PSD3: variants seen among roughly 807,000 people sequenced by gnomAD.
PSD3 encodes PH and SEC7 domain-containing protein 3.
A neutral mutation model predicts 105.5 loss-of-function variants in PSD3; 49 were observed. The observed-to-expected ratio is 0.46, with a 90% CI of 0.37 to 0.59. The LOEUF (loss-of-function observed/expected upper bound fraction) is 0.59, where lower values mean the gene tolerates loss of function less well. Ranked by LOEUF, PSD3 falls within the 20% of genes least tolerant of loss-of-function variation. The probability of loss-of-function intolerance (pLI) is 0.00; values close to 1 mark genes in which losing one functional copy is unlikely to be tolerated. For synonymous variants in PSD3, 557 were observed against 457.8 expected (o/e 1.22, Z -2.77); for missense variants, 1,561 against 1,263.8 (o/e 1.24, Z -3.57).
intron 15 of PSD3, among the ~76,000 whole-genome samples, chr8:18,542,878 G>A (rs1157255751): frequency 6.6e-6 from 1 of 152,130 alleles, no homozygotes; most frequent in Non-Finnish European, 1.5e-5. Flanking sequence ...TGTTATTAAA[G>A]ATTTTATCTT....
intron 11 of PSD3, among the ~76,000 whole-genome samples, chr8:18,621,586 G>A (rs577652087): frequency 7.9e-5 from 12 of 152,202 alleles, no homozygotes; most frequent in African/African-American, 2.9e-4. Flanking sequence ...ATCTAAAACA[G>A]CCAATATTCC....
At chr8:18,627,710 A>G (rs756605151) in intron 11 of PSD3, among the ~76,000 whole-genome samples, 7 of 152,000 alleles carry the variant, frequency 4.6e-5, no homozygotes, top group Non-Finnish European at 1.0e-4. Flanking sequence ...GAGAAAATCC[A>G]GTGTTTTTTT....
At chr8:18,961,505 A>C (rs370286422) in intron 1 of PSD3, among the ~76,000 whole-genome samples, 1 of 152,188 alleles carries the variant, frequency 6.6e-6, no homozygotes, top group East Asian at 1.9e-4. Context: ...CCTGGCCAAC[A>C]TGATGAAACC....
intron 4 of PSD3, among the ~76,000 whole-genome samples, chr8:18,805,191 C>T (rs1341939548): frequency 1.3e-5 from 2 of 152,110 alleles, no homozygotes; most frequent in Non-Finnish European, 2.9e-5. Context: ...CGATATTTAC[C>T]CTCGTAGTAA....
intron 4 of PSD3, among the ~76,000 whole-genome samples, chr8:18,819,904 T>C (rs189045418): frequency 3.3e-5 from 5 of 152,344 alleles, no homozygotes; most frequent in Admixed American, 3.3e-4. Flanking sequence ...CATCAACCAG[T>C]GTGAACCCTG....
chr8:18,619,949 A>C (rs1203024589), intron 11 of PSD3, among the ~76,000 whole-genome samples: 1 of 152,152 alleles, frequency 6.6e-6, no homozygotes, highest in Non-Finnish European at 1.5e-5. Flanking sequence ...GGCCTTTCCC[A>C]GATGTAGGAG....
intron 2 of PSD3, among the ~76,000 whole-genome samples, chr8:18,879,413 G>T (rs2129458412): frequency 6.6e-6 from 1 of 152,116 alleles, no homozygotes; most frequent in East Asian, 1.9e-4. Flanking sequence ...ACAGACGGGG[G>T]GAGACAAATG....
intron 10 of PSD3, among the ~76,000 whole-genome samples, chr8:18,646,876 G>A (rs947162126): frequency 1.3e-5 from 2 of 152,100 alleles, no homozygotes; most frequent in African/African-American, 4.8e-5. Context: ...TCTTTACTCG[G>A]AAAAAGAGTT....
At chr8:18,619,862 C>T (rs1261216950) in intron 11 of PSD3, among the ~76,000 whole-genome samples, 1 of 152,212 alleles carries the variant, frequency 6.6e-6, no homozygotes, top group Non-Finnish European at 1.5e-5. Context: ...TGAAATGACC[C>T]TCCAAAGCCG....
intron 2 of PSD3, among the ~76,000 whole-genome samples, chr8:18,929,684 T>C (rs1190908627): frequency 1.3e-5 from 2 of 152,106 alleles, no homozygotes; most frequent in South Asian, 2.1e-4. Context: ...CTTTCATTCA[T>C]GCATATGAAT....
chr8:18,958,481 T>C (rs923650981), intron 1 of PSD3, among the ~76,000 whole-genome samples: 1 of 152,232 alleles, frequency 6.6e-6, no homozygotes, highest in East Asian at 1.9e-4. Context: ...AGATTCTTTC[T>C]GAGCACTCAA....
chr8:19,079,332 C>A (rs1472247086), intron 1 of PSD3, among the ~76,000 whole-genome samples: 2 of 152,146 alleles, frequency 1.3e-5, no homozygotes, highest in Non-Finnish European at 2.9e-5. Context: ...CTCCTAAATA[C>A]CACATTCTTT....
intron 4 of PSD3, among the ~76,000 whole-genome samples, chr8:18,855,748 C>T (rs191217113): frequency 6.6e-6 from 1 of 152,148 alleles, no homozygotes; most frequent in Non-Finnish European, 1.5e-5. Context: ...GAATGATAAA[C>T]ATCAGCAGCT....
chr8:18,743,587 A>G (rs945519114), intron 9 of PSD3, among the ~76,000 whole-genome samples: 1 of 152,078 alleles, frequency 6.6e-6, no homozygotes, highest in Non-Finnish European at 1.5e-5. Context: ...CAAAATACCT[A>G]TTATACCAGG....
chr8:18,620,632 C>T (rs532292547), intron 11 of PSD3, among the ~76,000 whole-genome samples: 5 of 152,208 alleles, frequency 3.3e-5, no homozygotes, highest in Admixed American at 2.6e-4. Flanking sequence ...ACTGCTTGAG[C>T]CTGGGAGGCA....
intron 9 of PSD3, among the ~76,000 whole-genome samples, chr8:18,719,797 C>T (rs1384400296): frequency 1.3e-5 from 2 of 152,102 alleles, no homozygotes; most frequent in Non-Finnish European, 2.9e-5. Context: ...TTCATTTTAA[C>T]CAGAAAGCTC....
At chr8:18,763,392 A>C (rs1806705129) in intron 9 of PSD3, among the ~76,000 whole-genome samples, 1 of 152,208 alleles carries the variant, frequency 6.6e-6, no homozygotes, top group South Asian at 2.1e-4. Flanking sequence ...CCATGATATT[A>C]AAAACCTGTA....
chr8:18,536,010 C>T (rs772861387), intron 15 of PSD3, 52 bp from the exon 16 acceptor site: 19 of 1,532,308 alleles, frequency 1.2e-5, no homozygotes, highest in Middle Eastern at 1.7e-4. Flanking sequence ...TCAAAATGCA[C>T]GTGTGCAGCA....
rs970173155 is a variant in PSD3 at position 18,999,193 on chromosome 8, C to G, written c.21+14370G>C. ...ACCCTTTTCATTCCTTAGACCATAA[C>G]AGGTTTGCTTTTGTTTCTGAAGTTA... On this transcript the variant is annotated intron_variant, in intron 1 of 15. Coordinates refer to ENST00000327040, the MANE Select transcript of PSD3 (RefSeq NM_015310.4). Among the ~76,000 whole-genome samples the G allele has an allele frequency of 2.6e-5, 4 of 152,046 alleles. No individual in the cohort carries two copies. The East Asian group carries it at 7.7e-4, about 29-fold the overall frequency.
Sources: gnomAD v4.1 joint callset for allele counts (sites outside exome capture counted in the v4.1 genomes callset) on GRCh38, gnomAD v4.1.1 for gene constraint, MANE v1.5 for transcripts, NCBI Gene and HGNC (gene_info 2026-07-23, HGNC 2026-07-21) for gene names.